Variants in CACNB2 observed in about 807,000 individuals in gnomAD.
CACNB2 encodes calcium voltage-gated channel auxiliary subunit beta 2.
Under a neutral mutation model 73.3 loss-of-function variants are expected in CACNB2, and 42 were observed. The ratio of observed to expected loss-of-function variants is 0.57; its 90% CI spans 0.45 to 0.74. CACNB2 has a LOEUF of 0.74. Ranked by LOEUF, CACNB2 falls within the 30% of genes least tolerant of loss-of-function variation. The pLI, the probability that CACNB2 is intolerant of heterozygous loss-of-function variation, is 0.00. For synonymous variants in CACNB2, 348 were observed against 310.3 expected (o/e 1.12, Z -1.28); for missense variants, 940 against 853.0 (o/e 1.10, Z -1.27).
intron 3 of CACNB2, among the ~76,000 whole-genome samples, chr10:18,483,543 AAAAG>A (rs2048901359): frequency 6.6e-6 from 1 of 151,506 alleles, no homozygotes; most frequent in Non-Finnish European, 1.5e-5. Flanking sequence ...AAAAAAAAAA[AAAAG>A]AAAAGAAAAA....
At chr10:18,518,455 C>G (rs529003860) in intron 8 of CACNB2, 39 bp downstream of exon 8, 3 of 1,364,034 alleles carry the variant, frequency 2.2e-6, no homozygotes, top group Non-Finnish European at 2.1e-6. Flanking sequence ...AACTTGCATG[C>G]TGAACTTCTT....
At chr10:18,407,107 G>GTTTTTT (rs1293331753) in intron 3 of CACNB2, among the ~76,000 whole-genome samples, 1 of 49,562 alleles carries the variant, frequency 2.0e-5, no homozygotes, top group African/African-American at 7.3e-5. Context: ...CTGCTGTTCT[G>GTTTTTT]TCTTTTTTTT....
chr10:18,145,924 A>G (rs981281729), intron 1 of CACNB2, among the ~76,000 whole-genome samples: 1 of 151,848 alleles, frequency 6.6e-6, no homozygotes, highest in Non-Finnish European at 1.5e-5. Flanking sequence ...GCTCCTCCTT[A>G]CTGGGCAGAT....
At chr10:18,443,829 C>G (rs2046599391) in intron 3 of CACNB2, among the ~76,000 whole-genome samples, 1 of 151,942 alleles carries the variant, frequency 6.6e-6, no homozygotes, top group Non-Finnish European at 1.5e-5. Flanking sequence ...ATTCTCCTGC[C>G]TCAGCCTCCC....
chr10:18,402,194 T>C (rs1315762733), intron 3 of CACNB2, 151 bp downstream of exon 3: 20 of 853,634 alleles, frequency 2.3e-5, no homozygotes, highest in Non-Finnish European at 3.8e-5. Flanking sequence ...GCCTAGTTTC[T>C]TCCCTTGGTA....
chr10:18,145,960 T>C (rs150041732), intron 1 of CACNB2, among the ~76,000 whole-genome samples: 2,752 of 152,198 alleles, frequency 0.018, 40 homozygotes, highest in Non-Finnish European at 0.027. Flanking sequence ...GGCCTCCTCC[T>C]TCCTCCCTCC....
chr10:18,171,549 A>AG (rs2033241304), intron 2 of CACNB2, among the ~76,000 whole-genome samples: 1 of 139,958 alleles, frequency 7.1e-6, no homozygotes, highest in African/African-American at 2.7e-5. Context: ...AAAAAAAAAA[A>AG]GGCTATTTGT....
chr10:18,400,658 C>G, intron 2 of CACNB2: 1 of 580,592 alleles, frequency 1.7e-6, no homozygotes, highest in East Asian at 2.2e-4. Flanking sequence ...TTTTTTTTTT[C>G]TGCGATTCTT....
chr10:18,424,049 A>C (rs980158605), intron 3 of CACNB2, among the ~76,000 whole-genome samples: 3 of 152,096 alleles, frequency 2.0e-5, no homozygotes, highest in African/African-American at 7.2e-5. Flanking sequence ...AAGAAAAAAA[A>C]CTCATGTACC....
At chr10:18,340,948 G>A in intron 2 of CACNB2, 1 of 1,614,136 alleles carries the variant, frequency 6.2e-7, no homozygotes, top group South Asian at 1.1e-5. Flanking sequence ...ACGCCTTATA[G>A]CTCCTCAAAC....
chr10:18,401,209 T>G, intron 2 of CACNB2: 1 of 1,310,144 alleles, frequency 7.6e-7, no homozygotes, highest in East Asian at 2.4e-5. Flanking sequence ...AATCGGATCA[T>G]GATTGCAGGA....
At chr10:18,193,787 A>G (rs1258143595) in intron 2 of CACNB2, among the ~76,000 whole-genome samples, 2 of 152,172 alleles carry the variant, frequency 1.3e-5, no homozygotes, top group Non-Finnish European at 2.9e-5. Context: ...GTAAATATGT[A>G]TGCATCCTGA....
chr10:18,536,170 G>T lies in CACNB2; in HGVS notation c.1276G>T (p.Ala426Ser). Residue 426 changes from alanine to serine, a missense_variant, in exon 12 of 14, where the codon GCT (alanine) becomes TCT (serine). By Grantham distance (99) the Ala-to-Ser change is moderately conservative. Transcript: ENST00000324631. ...ACACCTCAACGTCCAGATGGTAGCA[G>T]CTGATAAACTGGCTCAGTGTCCTCC... Reference protein sequence around the residue: ...AKHLNVQMVAADKLAQCPPEL... With the variant: ...AKHLNVQMVASDKLAQCPPEL... The T allele has an allele frequency of 6.3e-7, 1 of 1,590,312 alleles. No homozygotes were observed. Among genetic ancestry groups the T allele is most frequent in the South Asian group, 1.1e-5 (1 of 90,536 alleles).
At chr10:18,266,286 G>A (rs1264845275) in intron 2 of CACNB2, among the ~76,000 whole-genome samples, 1 of 152,160 alleles carries the variant, frequency 6.6e-6, no homozygotes, top group East Asian at 1.9e-4. Context: ...AGAGTCTGAG[G>A]ATGGTCAAAC....
intron 3 of CACNB2, among the ~76,000 whole-genome samples, chr10:18,492,852 G>A (rs764810872): frequency 6.6e-6 from 1 of 152,096 alleles, no homozygotes; most frequent in Non-Finnish European, 1.5e-5. Context: ...GAAATGACTT[G>A]TCTTGGGCTT....
intron 2 of CACNB2, among the ~76,000 whole-genome samples, chr10:18,391,231 C>A (rs560503366): frequency 7.8e-4 from 119 of 152,180 alleles, no homozygotes; most frequent in African/African-American, 2.6e-3. Context: ...CAAGCTGAAG[C>A]CTTTGTTTTA....
intron 12 of CACNB2, 47 bp downstream of exon 12, chr10:18,536,243 C>CTTTTTTTTT (rs904187820): frequency 9.2e-5 from 26 of 283,166 alleles, no homozygotes; most frequent in African/African-American, 3.2e-4. Context: ...GAGATCAGAC[C>CTTTTTTTTT]TTTTTTTTTT....
Position 18,321,595 on chromosome 10 carries a change from G to A in CACNB2, c.214-80329G>A, listed in dbSNP as rs565642172. Among the ~76,000 whole-genome samples, 10 of 152,254 alleles carry A rather than the reference G, an allele frequency of 6.6e-5. No individual in the cohort carries two copies. The East Asian group carries it at 7.7e-4, about 12-fold the overall frequency. On this transcript the variant is annotated intron_variant, in intron 2 of 13. Coordinates refer to ENST00000324631, the MANE Select transcript of CACNB2 (RefSeq NM_201596.3). ...TGGGGGCATGGACACCCCATGCTCCGTGATGTGCTTATTTCATATTGCATG... is the reference window on the plus strand; with the variant it reads ...TGGGGGCATGGACACCCCATGCTCCATGATGTGCTTATTTCATATTGCATG...
intron 2 of CACNB2, among the ~76,000 whole-genome samples, chr10:18,191,133 G>A (rs1275241851): frequency 1.3e-5 from 2 of 152,168 alleles, no homozygotes; most frequent in Non-Finnish European, 2.9e-5. Context: ...AATATTAGGA[G>A]GAAGAAACAG....
Sources: gnomAD v4.1 joint callset for allele counts (sites outside exome capture counted in the v4.1 genomes callset) on GRCh38, gnomAD v4.1.1 for gene constraint, MANE v1.5 for transcripts, NCBI Gene and HGNC (gene_info 2026-07-23, HGNC 2026-07-21) for gene names.